SEMA3D: variants seen among roughly 807,000 people sequenced by gnomAD.
SEMA3D encodes semaphorin-3D.
SEMA3D carries 84 observed loss-of-function variants against 100.1 expected under a neutral mutation model. The ratio of observed to expected loss-of-function variants is 0.84; its 90% confidence interval spans 0.70 to 1.01. The LOEUF (loss-of-function observed/expected upper bound fraction) is 1.01, where lower values mean the gene tolerates loss of function less well. Ranked by LOEUF, SEMA3D falls within the 50% of genes least tolerant of loss-of-function variation. The pLI is 0.00. For synonymous variants in SEMA3D, 312 were observed against 320.7 expected (o/e 0.97, Z 0.29); for missense variants, 875 against 934.1 (o/e 0.94, Z 0.82).
chr7:85,029,199 C>T, intron 12 of SEMA3D: 3 of 697,272 alleles, frequency 4.3e-6, no homozygotes, highest in South Asian at 1.5e-5. Context: ...TCCTGCACAC[C>T]ATGGTGCTCA....
chr7:85,191,900 T>C (rs1230169126), upstream of SEMA3D, among the ~76,000 whole-genome samples: 4 of 152,168 alleles, frequency 2.6e-5, no homozygotes, highest in African/African-American at 9.7e-5. Flanking sequence ...GAGGTTTGTT[T>C]TGGATAGACT....
At chr7:85,203,316 A>G in the SEMA3D span, among the ~76,000 whole-genome samples, 78 of 152,202 alleles carry the variant, frequency 5.1e-4, no homozygotes, top group African/African-American at 1.8e-3. Flanking sequence ...GCATGTGTTT[A>G]TAGACTGATT....
In SEMA3D at chr7:85,181,468, A is replaced by G. The variant is rs530721872; in HGVS notation, c.-173+5210T>C. On this transcript the variant is annotated intron_variant, in intron 1 of 18. Coordinates refer to ENST00000284136, the MANE Select transcript of SEMA3D (RefSeq NM_001384900.1). ...AACAAATAAATAAATTAAATTAAGT[A>G]GTATTGATTATAACACAAGTATAAA... 2.0e-5 allele frequency among the ~76,000 whole-genome samples: 3 copies of G among 152,320 alleles called. No individual in the cohort carries two copies. In the South Asian group the frequency reaches 6.2e-4, roughly 32 times the overall value.
intron 2 of SEMA3D, chr7:85,141,528 A>G: frequency 3.0e-6 from 3 of 984,938 alleles, no homozygotes; most frequent in Non-Finnish European, 3.6e-6. Context: ...TACATGAATG[A>G]CCACAAAGTC....
At chr7:85,216,685 T>C in the SEMA3D span, among the ~76,000 whole-genome samples, 1 of 151,962 alleles carries the variant, frequency 6.6e-6, no homozygotes, top group Admixed American at 6.6e-5. Flanking sequence ...GTTAACTAAG[T>C]AGGACAGATA....
the SEMA3D span, among the ~76,000 whole-genome samples, chr7:85,236,056 AT>A: frequency 6.6e-6 from 1 of 152,088 alleles, no homozygotes; most frequent in East Asian, 1.9e-4. Context: ...CAATTTTCAT[AT>A]GTAACTTCAG....
chr7:85,002,886 C>T (rs1789691882), intron 18 of SEMA3D, among the ~76,000 whole-genome samples: 2 of 152,086 alleles, frequency 1.3e-5, no homozygotes, highest in Admixed American at 1.3e-4. Flanking sequence ...GGGACTTTAT[C>T]TCTTATAATA....
chr7:85,151,290 C>T (rs1324936159), intron 2 of SEMA3D, among the ~76,000 whole-genome samples: 1 of 151,868 alleles, frequency 6.6e-6, no homozygotes, highest in Non-Finnish European at 1.5e-5. Flanking sequence ...TATAGTCTGT[C>T]CTCATTTCTT....
rs1171921212 is a variant in SEMA3D, at chr7:85,141,890, G to A, written c.-41+11718C>T. 3.1e-6 allele frequency: 3 copies of A among 963,404 alleles called. No homozygotes were observed. In the African/African-American group the frequency reaches 5.3e-5, roughly 17 times the overall value. 59.7% of individuals were successfully genotyped at this position (963,404 alleles called of 1,614,324 possible). On this transcript the variant is annotated intron_variant, in intron 2 of 18. Coordinates refer to ENST00000284136, the MANE Select transcript of SEMA3D (RefSeq NM_001384900.1). ...GCCTTCACTGAAAGACCTTCTTGGAGTAAATTTAGATTTCTCAGTATTAAT... is the reference window on the plus strand; with the variant it reads ...GCCTTCACTGAAAGACCTTCTTGGAATAAATTTAGATTTCTCAGTATTAAT...
At chr7:85,205,031 T>C in the SEMA3D span, among the ~76,000 whole-genome samples, 43 of 152,266 alleles carry the variant, frequency 2.8e-4, no homozygotes, top group Non-Finnish European at 4.4e-4. Flanking sequence ...ATTTCCCTAA[T>C]GATTAGATAT....
intron 2 of SEMA3D, among the ~76,000 whole-genome samples, chr7:85,129,116 C>A (rs1164199019): frequency 2.0e-5 from 3 of 151,792 alleles, no homozygotes; most frequent in African/African-American, 7.3e-5. Context: ...CTCTTGAACT[C>A]CTGGCCTCAA....
chr7:85,098,808 A>G (rs963539264), intron 3 of SEMA3D, among the ~76,000 whole-genome samples: 3 of 151,854 alleles, frequency 2.0e-5, no homozygotes, highest in Non-Finnish European at 4.4e-5. Context: ...CTGCCTTAAA[A>G]ATTGTCTGTG....
At chr7:85,087,627 A>G (rs1788263954) in intron 4 of SEMA3D, among the ~76,000 whole-genome samples, 3 of 152,200 alleles carry the variant, frequency 2.0e-5, no homozygotes, top group Admixed American at 2.0e-4. Flanking sequence ...ACAGAAGTAA[A>G]TAAATTTATA....
At chr7:85,094,069 C>T (rs1377860357) in intron 4 of SEMA3D, among the ~76,000 whole-genome samples, 1 of 151,846 alleles carries the variant, frequency 6.6e-6, no homozygotes, top group Non-Finnish European at 1.5e-5. Flanking sequence ...AGACACAGAA[C>T]TTGATAGTAA....
chr7:85,010,427 CAG>C (rs1789919241), intron 17 of SEMA3D, among the ~76,000 whole-genome samples: 1 of 151,670 alleles, frequency 6.6e-6, no homozygotes, highest in Non-Finnish European at 1.5e-5. Flanking sequence ...GGGGTACAGA[CAG>C]AAGTGGTTCA....
rs191855142 is a variant in SEMA3D, at chr7:85,129,568, T to C, written c.-40-7637A>G. On this transcript the variant is annotated intron_variant, in intron 2 of 18. Coordinates refer to ENST00000284136, the MANE Select transcript of SEMA3D (RefSeq NM_001384900.1). ...AACATGTAAAAATATGTAAGCCTGC[T>C]TATACACAACCACTTATGTATAGGA... Among the ~76,000 whole-genome samples the C allele has an allele frequency of 4.3e-3, 651 of 152,246 alleles. 5 individuals are homozygous for C. The highest frequency in any genetic ancestry group is 0.015 in the African/African-American group (638 of 41,552).
chr7:85,007,513 A>AT (rs553359363), intron 17 of SEMA3D, among the ~76,000 whole-genome samples: 63 of 151,496 alleles, frequency 4.2e-4, no homozygotes, highest in African/African-American at 8.5e-4. Flanking sequence ...TTAATCTACC[A>AT]TTTTTTTTCT....
At position 85,166,004 on chromosome 7, in the gene SEMA3D, A is replaced by T. The variant is rs893173657; in HGVS notation, c.-172-12265T>A. ...TATATAAATATGTACCTGAGTATAT[A>T]ATGCGCTTCATCAATTTTTTAATCA... On this transcript the variant is annotated intron_variant, in intron 1 of 18. Coordinates refer to ENST00000284136, the MANE Select transcript of SEMA3D (RefSeq NM_001384900.1). Among the ~76,000 whole-genome samples, 3 of 152,084 alleles carry T rather than the reference A, an allele frequency of 2.0e-5. No homozygotes were observed. The East Asian group carries it at 5.8e-4, about 29-fold the overall frequency.
intron 11 of SEMA3D, 69 bp downstream of exon 11, chr7:85,040,604 C>A: frequency 1.2e-6 from 1 of 804,328 alleles, no homozygotes; most frequent in Non-Finnish European, 2.1e-6. Flanking sequence ...ACAAAAAGAT[C>A]CTATAACTAT....
Sources: gnomAD v4.1 joint callset for allele counts (sites outside exome capture counted in the v4.1 genomes callset) on GRCh38, gnomAD v4.1.1 for gene constraint, MANE v1.5 for transcripts, NCBI Gene and HGNC (gene_info 2026-07-23, HGNC 2026-07-21) for gene names.